UBL3: variants seen among roughly 807,000 people sequenced by gnomAD.
The protein encoded by UBL3 is ubiquitin-like protein 3.
UBL3 carries 6 observed loss-of-function variants against 18.4 expected under a neutral mutation model. The ratio of observed to expected loss-of-function variants is 0.33; its 90% CI spans 0.18 to 0.64. The LOEUF (loss-of-function observed/expected upper bound fraction) is 0.64. Among genes scored for constraint, UBL3 ranks in the 30% least tolerant of loss-of-function variants. The pLI is 0.76. For missense variants in UBL3, 109 were observed against 142.9 expected, an observed-to-expected ratio of 0.76 and a Z score of 1.21; for synonymous variants, 49 against 46.6, an observed-to-expected ratio of 1.05 and a Z score of -0.21.
chr13:29,836,023 G>C (rs1361076349), intron 1 of UBL3, among the ~76,000 whole-genome samples: 1 of 152,096 alleles, frequency 6.6e-6, no homozygotes, highest in Admixed American at 6.6e-5. Context: ...TTTTGGAAAA[G>C]GTACTACAGG....
At chr13:29,799,451 G>A (rs1255343354) in intron 1 of UBL3, among the ~76,000 whole-genome samples, 1 of 152,138 alleles carries the variant, frequency 6.6e-6, no homozygotes. Context: ...TTGAAAATAA[G>A]ACTAACTGAA....
intron 1 of UBL3, among the ~76,000 whole-genome samples, chr13:29,821,155 A>G (rs191547974): frequency 5.3e-4 from 81 of 152,364 alleles, no homozygotes; most frequent in Admixed American, 1.8e-3. Flanking sequence ...GTATTTCACT[A>G]TTAAAAAATA....
intron 3 of UBL3, among the ~76,000 whole-genome samples, chr13:29,767,921 T>G (rs544574322): frequency 6.6e-6 from 1 of 152,214 alleles, no homozygotes; most frequent in African/African-American, 2.4e-5. Context: ...GACACATTTA[T>G]CCATATTAAG....
At chr13:29,821,533 C>T (rs778354179) in intron 1 of UBL3, among the ~76,000 whole-genome samples, 2 of 152,178 alleles carry the variant, frequency 1.3e-5, no homozygotes, top group Non-Finnish European at 2.9e-5. Context: ...CGGGCTACTA[C>T]TGCATTCCAG....
At chr13:29,775,539 C>T (rs779088729) in intron 2 of UBL3, among the ~76,000 whole-genome samples, 1 of 152,150 alleles carries the variant, frequency 6.6e-6, no homozygotes, top group Non-Finnish European at 1.5e-5. Context: ...AATCATATCA[C>T]TATGATACAT....
chr13:29,785,087 G>A (rs1877275946), intron 1 of UBL3, among the ~76,000 whole-genome samples: 2 of 152,076 alleles, frequency 1.3e-5, no homozygotes, highest in African/African-American at 4.8e-5. Flanking sequence ...TGTATTTTTA[G>A]TAGAGATGGG....
At position 29,840,030 on chromosome 13, in the gene UBL3, AT is replaced by A. The variant is rs1487021407; in HGVS notation, c.27+9481del. ...ACTTTTAAAAGTACAGAAAATTATC[AT>A]TTTTTTAAATAGAAGAAATAAAGGT... On this transcript the variant is annotated intron_variant, in intron 1 of 4. Coordinates refer to ENST00000380680, the MANE Select transcript of UBL3 (RefSeq NM_007106.4). Among the ~76,000 whole-genome samples the A allele has an allele frequency of 2.6e-5, 4 of 151,880 alleles. 1 individual carries two copies. The highest frequency in any genetic ancestry group is 4.1e-4 in the South Asian group (2 of 4,828).
chr13:29,836,347 T>TAAAC (rs1273882162), intron 1 of UBL3, among the ~76,000 whole-genome samples: 3 of 108,688 alleles, frequency 2.8e-5, no homozygotes, highest in African/African-American at 9.3e-5. Flanking sequence ...ACAGCAAAAA[T>TAAAC]AAATAAATAA....
rs924933448 is a variant in UBL3, at chr13:29,850,449, A to G, written c.-911T>C. ...ACGCCGACTTCGGCTGGTCCCCGGA[A>G]GAGGCCGGGTCCTCCTTCTCCTCAG... On this transcript the variant is annotated 5_prime_UTR_variant, in exon 1 of 5. Coordinates refer to ENST00000380680, the MANE Select transcript of UBL3 (RefSeq NM_007106.4). 2.6e-5 allele frequency: 4 copies of G among 152,966 alleles called. No individual in the cohort carries two copies. The highest frequency in any genetic ancestry group is 5.9e-5 in the Non-Finnish European group (4 of 68,206). 9.5% of individuals were successfully genotyped at this position (152,966 alleles called of 1,614,324 possible).
chr13:29,800,309 A>T (rs1877726165), intron 1 of UBL3, among the ~76,000 whole-genome samples: 1 of 152,192 alleles, frequency 6.6e-6, no homozygotes, highest in African/African-American at 2.4e-5. Context: ...TCAGCCTCTT[A>T]TTTCTCCTCC....
At chr13:29,773,853 A>G (rs1360895718) in intron 2 of UBL3, among the ~76,000 whole-genome samples, 3 of 152,218 alleles carry the variant, frequency 2.0e-5, no homozygotes, top group Middle Eastern at 3.2e-3. Context: ...TCCACTAAAT[A>G]GCAGAAGGGT....
intron 1 of UBL3, among the ~76,000 whole-genome samples, chr13:29,795,647 T>C (rs2139328028): frequency 6.7e-6 from 1 of 148,614 alleles, no homozygotes; most frequent in African/African-American, 2.5e-5. Context: ...TAAGGAGAGG[T>C]GGCAGCTTGT....
At position 29,782,010 on chromosome 13, in the gene UBL3, A is replaced by T. The variant is rs991593125; in HGVS notation, c.28-4747T>A. Among the ~76,000 whole-genome samples the T allele has an allele frequency of 2.0e-5, 3 of 151,910 alleles. No homozygotes were observed. The East Asian group carries it at 5.8e-4, about 29-fold the overall frequency. On this transcript the variant is annotated intron_variant, in intron 1 of 4. Coordinates refer to ENST00000380680, the MANE Select transcript of UBL3 (RefSeq NM_007106.4). ...AGAATGAGACCCCATCTCTAAAAAA[A>T]AAAATAAAATAAACATAAATCAACA...
chr13:29,837,411 T>C (rs748736258), intron 1 of UBL3, among the ~76,000 whole-genome samples: 5 of 152,164 alleles, frequency 3.3e-5, no homozygotes, highest in Non-Finnish European at 7.3e-5. Flanking sequence ...AATAACTGGA[T>C]ACTGGACAGT....
chr13:29,836,250 T>C (rs1354433608), intron 1 of UBL3, among the ~76,000 whole-genome samples: 1 of 152,084 alleles, frequency 6.6e-6, no homozygotes, highest in East Asian at 1.9e-4. Flanking sequence ...GATGGTGCCA[T>C]GGTAAGTAAC....
chr13:29,838,026 G>C (rs1474474971), intron 1 of UBL3, among the ~76,000 whole-genome samples: 1 of 149,602 alleles, frequency 6.7e-6, no homozygotes, highest in East Asian at 1.9e-4. Flanking sequence ...GCTTTATGTA[G>C]ATTACAAAAA....
chr13:29,770,967 A>G (rs1876826291), intron 3 of UBL3, among the ~76,000 whole-genome samples: 1 of 152,056 alleles, frequency 6.6e-6, no homozygotes, highest in South Asian at 2.1e-4. Flanking sequence ...CTCACTTGAC[A>G]TTGTCATAAA....
At chr13:29,780,609 C>T (rs998267726) in intron 1 of UBL3, among the ~76,000 whole-genome samples, 1 of 151,714 alleles carries the variant, frequency 6.6e-6, no homozygotes, top group Non-Finnish European at 1.5e-5. Flanking sequence ...CTTTGCTGTG[C>T]TATAACAGGC....
chr13:29,819,897 A>G (rs1418919646), intron 1 of UBL3, among the ~76,000 whole-genome samples: 1 of 152,076 alleles, frequency 6.6e-6, no homozygotes, highest in Non-Finnish European at 1.5e-5. Flanking sequence ...TTTTTCCCCA[A>G]TCCCTACCCC....
Sources: gnomAD v4.1 joint callset for allele counts (sites outside exome capture counted in the v4.1 genomes callset) on GRCh38, gnomAD v4.1.1 for gene constraint, MANE v1.5 for transcripts, NCBI Gene and HGNC (gene_info 2026-07-23, HGNC 2026-07-21) for gene names.